CAMK1D: variants seen among roughly 807,000 people sequenced by gnomAD.
CAMK1D encodes calcium/calmodulin-dependent protein kinase type 1D.
A neutral mutation model predicts 47.7 loss-of-function variants in CAMK1D; 9 were observed. That is an observed-to-expected ratio of 0.19 (90% CI 0.11 to 0.33). The LOEUF (loss-of-function observed/expected upper bound fraction) is 0.33. CAMK1D is among the 10% of genes least tolerant of loss of function. The probability of loss-of-function intolerance (pLI) is 1.00; values close to 1 mark genes in which losing one functional copy is unlikely to be tolerated. For synonymous variants in CAMK1D, 184 were observed against 184.9 expected (o/e 0.99, Z 0.04); for missense variants, 291 against 488.7 (o/e 0.60, Z 3.81).
intron 1 of CAMK1D, among the ~76,000 whole-genome samples, chr10:12,403,787 GT>G (rs1351516966): frequency 2.6e-5 from 4 of 151,820 alleles, no homozygotes; most frequent in African/African-American, 4.8e-5. Flanking sequence ...TTCTAAGTGT[GT>G]TTTTTCCCCC....
intron 6 of CAMK1D, among the ~76,000 whole-genome samples, chr10:12,813,766 T>G (rs912894956): frequency 4.6e-4 from 70 of 152,168 alleles, no homozygotes; most frequent in African/African-American, 1.6e-3. Context: ...TTCTTTCTTC[T>G]TTTCTTTTTT....
chr10:12,629,438 G>A (rs541353231), intron 2 of CAMK1D, among the ~76,000 whole-genome samples: 7 of 152,132 alleles, frequency 4.6e-5, no homozygotes, highest in Non-Finnish European at 1.0e-4. Context: ...ATGTGCATCC[G>A]GTGAAGATGC....
intron 3 of CAMK1D, among the ~76,000 whole-genome samples, chr10:12,713,570 G>A (rs771964358): frequency 3.3e-5 from 5 of 152,188 alleles, no homozygotes; most frequent in African/African-American, 4.8e-5. Flanking sequence ...GAGGGAATGC[G>A]GACTAGGATC....
At chr10:12,808,128 C>T (rs1838820795) in intron 6 of CAMK1D, among the ~76,000 whole-genome samples, 1 of 152,336 alleles carries the variant, frequency 6.6e-6, no homozygotes, top group Admixed American at 6.5e-5. Flanking sequence ...CCACCTGTTT[C>T]TCCCGTAAAA....
chr10:12,551,574 G>A (rs1275986609), intron 1 of CAMK1D, among the ~76,000 whole-genome samples: 1 of 151,920 alleles, frequency 6.6e-6, no homozygotes, highest in Admixed American at 6.6e-5. Context: ...GGGAAACATG[G>A]TGAAAATACA....
intron 3 of CAMK1D, among the ~76,000 whole-genome samples, chr10:12,680,622 G>C (rs143149011): frequency 6.6e-6 from 1 of 152,110 alleles, no homozygotes. Context: ...TGATGCTGGC[G>C]TGGCAGCCCC....
chr10:12,678,649 C>T (rs528069234), intron 3 of CAMK1D, among the ~76,000 whole-genome samples: 66 of 152,270 alleles, frequency 4.3e-4, no homozygotes, highest in African/African-American at 1.5e-3. Flanking sequence ...TATTTTGGAG[C>T]GCCAATGTTT....
chr10:12,788,988 GCATC>G (rs532497755), intron 5 of CAMK1D, among the ~76,000 whole-genome samples: 15 of 152,352 alleles, frequency 9.8e-5, no homozygotes, highest in South Asian at 8.3e-4. Flanking sequence ...TCTGTGGAGT[GCATC>G]CCTCACTGCC....
intron 1 of CAMK1D, among the ~76,000 whole-genome samples, chr10:12,463,230 C>T (rs878909306): frequency 5.3e-5 from 8 of 151,802 alleles, no homozygotes; most frequent in Non-Finnish European, 7.4e-5. Flanking sequence ...CTCTGCCTCC[C>T]GTGTTCAAGT....
rs569801393 is a variant in CAMK1D, at chr10:12,693,419, G to A, written c.299+26609G>A. Among the ~76,000 whole-genome samples the A allele has an allele frequency of 2.0e-5, 3 of 152,064 alleles. No individual in the cohort carries two copies. The East Asian group carries it at 5.8e-4, about 29-fold the overall frequency. On this transcript the variant is annotated intron_variant, in intron 3 of 10. Transcript: ENST00000619168. Reference sequence around the variant, plus strand: ...CAAAGAAGACAGAATTTGGCCTCCAGCGTGGGCAATGTAGTGAAACCCCAC... The same window carrying A: ...CAAAGAAGACAGAATTTGGCCTCCAACGTGGGCAATGTAGTGAAACCCCAC...
intron 1 of CAMK1D, among the ~76,000 whole-genome samples, chr10:12,411,601 CTTT>C (rs35221185): frequency 4.1e-5 from 6 of 145,450 alleles, no homozygotes; most frequent in Admixed American, 6.8e-5. Context: ...TACCTGGCTT[CTTT>C]TTTTTTTTTT....
At chr10:12,417,272 CTG>C (rs1491353429) in intron 1 of CAMK1D, among the ~76,000 whole-genome samples, 2 of 151,890 alleles carry the variant, frequency 1.3e-5, no homozygotes, top group African/African-American at 4.8e-5. Context: ...GAAAAAGAGA[CTG>C]AGAGAGAGAG....
At chr10:12,503,025 C>T (rs11813002) in intron 1 of CAMK1D, among the ~76,000 whole-genome samples, 4 of 131,416 alleles carry the variant, frequency 3.0e-5, no homozygotes, top group East Asian at 5.4e-4. Context: ...TGTATATATG[C>T]ATGTGTGTGT....
Position 12,410,321 on chromosome 10 carries a change from A to G in CAMK1D, c.92+60411A>G, listed in dbSNP as rs148097554. 8.9e-3 allele frequency among the ~76,000 whole-genome samples: 1,350 copies of G among 152,174 alleles called. 13 individuals are homozygous for G. Among genetic ancestry groups the G allele is most frequent in the Non-Finnish European group, 0.014 (950 of 68,002 alleles). On this transcript the variant is annotated intron_variant, in intron 1 of 10. Transcript: ENST00000619168. ...TAACTCTGTATTTTCTTGAGTGTGT[A>G]TCTCTCTGTGTGTCTTCTAAGTGAG...
At chr10:12,579,265 G>C (rs1025861806) in intron 2 of CAMK1D, among the ~76,000 whole-genome samples, 1 of 152,208 alleles carries the variant, frequency 6.6e-6, no homozygotes, top group African/African-American at 2.4e-5. Context: ...TGCAGTTACA[G>C]AGTCCTGCAT....
intron 1 of CAMK1D, among the ~76,000 whole-genome samples, chr10:12,366,873 C>T (rs977304065): frequency 1.3e-5 from 2 of 152,000 alleles, no homozygotes; most frequent in African/African-American, 2.4e-5. Flanking sequence ...GATATAGGGG[C>T]GGCTTTATCC....
chr10:12,709,929 G>T (rs1164835645), intron 3 of CAMK1D, among the ~76,000 whole-genome samples: 1 of 152,150 alleles, frequency 6.6e-6, no homozygotes, highest in Non-Finnish European at 1.5e-5. Context: ...CAGAGTCGAT[G>T]CCTGCAGTTT....
intron 2 of CAMK1D, among the ~76,000 whole-genome samples, chr10:12,602,877 A>G (rs1163503394): frequency 7.4e-6 from 1 of 134,462 alleles, no homozygotes; most frequent in East Asian, 2.2e-4. Context: ...TAAGCATCAC[A>G]TGTCTTTCTA....
chr10:12,834,447 G>A lies in CAMK1D; in HGVS notation c.*5560G>A, dbSNP rs565237423. 1 of 152,230 alleles carries A rather than the reference G, an allele frequency of 6.6e-6. No homozygotes were observed. Among genetic ancestry groups the A allele is most frequent in the Non-Finnish European group, 1.5e-5 (1 of 68,032 alleles). 9.4% of individuals were successfully genotyped at this position (152,230 alleles called of 1,614,324 possible). A position where few individuals can be genotyped will look rare whatever the true frequency, so the allele number is the denominator to read the frequency against. ...CAAACCCAAAAAGGCTGTGCATTTGGAAGCCAAACGCTCAGCATGCGGCTG... is the reference window on the plus strand; with the variant it reads ...CAAACCCAAAAAGGCTGTGCATTTGAAAGCCAAACGCTCAGCATGCGGCTG... On this transcript the variant is annotated 3_prime_UTR_variant, in exon 11 of 11. Transcript: ENST00000619168.
Sources: gnomAD v4.1 joint callset for allele counts (sites outside exome capture counted in the v4.1 genomes callset) on GRCh38, gnomAD v4.1.1 for gene constraint, MANE v1.5 for transcripts, NCBI Gene and HGNC (gene_info 2026-07-23, HGNC 2026-07-21) for gene names.